RYR2: variants seen among roughly 807,000 people sequenced by gnomAD.
The protein encoded by RYR2 is cardiac muscle ryanodine receptor-calcium release channel.
A neutral mutation model predicts 601.1 loss-of-function variants in RYR2; 227 were observed. The observed-to-expected ratio is 0.38, with a 90% CI of 0.34 to 0.42. The LOEUF is 0.42. Ranked by LOEUF, RYR2 falls within the 10% of genes least tolerant of loss-of-function variation. RYR2 has a pLI of 1.00. For synonymous variants in RYR2, 2,223 were observed against 2,175.1 expected (o/e 1.02, Z -0.61); for missense variants, 4,646 against 6,156.5 (o/e 0.75, Z 8.21).
intron 12 of RYR2, 50 bp from the exon 13 acceptor site, chr1:237,441,269 C>T (rs145018196): frequency 6.3e-7 from 1 of 1,597,230 alleles, no homozygotes; most frequent in Admixed American, 1.7e-5. Flanking sequence ...TTGCCATACA[C>T]TAGTATTTTT....
rs1483111947 is a variant in RYR2, at chr1:237,500,732, G to A, written c.2225G>A (p.Ser742Asn). 5 of 1,610,406 alleles carry A rather than the reference G, an allele frequency of 3.1e-6. No homozygotes were observed. The highest frequency in any genetic ancestry group is 1.3e-5 in the African/African-American group (1 of 74,832). ...ATAGGTTGTATTGCTCGTACTGTAA[G>A]CTCACCAAACCAACATCTGTTAAGA... ...LWSGCIARTV[S>N]SPNQHLLRTD... The change falls in exon 21 of 105, where the codon AGC becomes AAC. Residue 742 changes from serine (S) to asparagine (N), a missense_variant. Physicochemically the swap from Ser to Asn is conservative, Grantham distance 46. Transcript: ENST00000366574.
At chr1:237,464,625 T>TC (rs1389465507) in intron 16 of RYR2, among the ~76,000 whole-genome samples, 2 of 151,984 alleles carry the variant, frequency 1.3e-5, no homozygotes, top group South Asian at 2.1e-4. Flanking sequence ...TCAAGATATT[T>TC]CCCCCCCAAA....
chr1:237,132,016 G>A (rs954000957), intron 1 of RYR2, among the ~76,000 whole-genome samples: 7 of 152,188 alleles, frequency 4.6e-5, no homozygotes, highest in African/African-American at 1.7e-4. Context: ...GAGCCACCGT[G>A]TCTGGCCCAA....
chr1:237,586,171 A>C (rs1303564332), intron 29 of RYR2, among the ~76,000 whole-genome samples: 1 of 152,218 alleles, frequency 6.6e-6, no homozygotes, highest in East Asian at 1.9e-4. Context: ...GTGCAAAAAA[A>C]TGCTTTGGTA....
intron 62 of RYR2, among the ~76,000 whole-genome samples, chr1:237,681,507 G>A (rs1015302264): frequency 1.3e-5 from 2 of 152,126 alleles, no homozygotes; most frequent in African/African-American, 4.8e-5. Flanking sequence ...TTACCAAGTA[G>A]CAAGTGGCCA....
At chr1:237,138,121 T>C (rs1275086048) in intron 1 of RYR2, among the ~76,000 whole-genome samples, 1 of 152,192 alleles carries the variant, frequency 6.6e-6, no homozygotes, top group African/African-American at 2.4e-5. Context: ...AGCTTCTGCC[T>C]CCTGGGTTCA....
intron 40 of RYR2, among the ~76,000 whole-genome samples, chr1:237,626,460 AC>A (rs1354106473): frequency 6.6e-6 from 1 of 151,914 alleles, no homozygotes; most frequent in African/African-American, 2.4e-5. Flanking sequence ...ACAACAGAAA[AC>A]CTTTATTCAT....
intron 27 of RYR2, among the ~76,000 whole-genome samples, chr1:237,566,287 T>C (rs940470047): frequency 1.3e-4 from 20 of 152,122 alleles, no homozygotes; most frequent in African/African-American, 4.3e-4. Context: ...AGAAAGGTCG[T>C]TCCCTCCTGA....
chr1:237,336,689 C>G (rs1374079288), intron 3 of RYR2, among the ~76,000 whole-genome samples: 1 of 151,294 alleles, frequency 6.6e-6, no homozygotes, highest in Non-Finnish European at 1.5e-5. Flanking sequence ...AACCCCGTCT[C>G]TTATGAAAAA....
At chr1:237,051,494 G>T (rs559463723) in intron 1 of RYR2, among the ~76,000 whole-genome samples, 79 of 151,878 alleles carry the variant, frequency 5.2e-4, no homozygotes, top group Middle Eastern at 3.4e-3. Flanking sequence ...GTTGTACAGG[G>T]CATTCTTAAG....
At chr1:237,501,034 T>C in intron 21 of RYR2, 131 bp downstream of exon 21, 1 of 862,104 alleles carries the variant, frequency 1.2e-6, no homozygotes, top group South Asian at 1.6e-5. Flanking sequence ...CTCTGCGCAT[T>C]TTGCCTGTGC....
chr1:237,324,336 G>T (rs1248166315), intron 2 of RYR2, among the ~76,000 whole-genome samples: 1 of 152,108 alleles, frequency 6.6e-6, no homozygotes, highest in Non-Finnish European at 1.5e-5. Context: ...TCTTTCGGAG[G>T]ACATAGAATT....
chr1:237,537,875 A>G (rs1341943972), intron 25 of RYR2, among the ~76,000 whole-genome samples: 1 of 152,206 alleles, frequency 6.6e-6, no homozygotes, highest in Non-Finnish European at 1.5e-5. Flanking sequence ...AGTCAACTTC[A>G]AATTCAGAGT....
rs1289076779 is a variant in RYR2 at position 237,819,361 on chromosome 1, G to C, written c.14590+169G>C. Among the ~76,000 whole-genome samples, 1 of 152,158 alleles carries C rather than the reference G, an allele frequency of 6.6e-6. No individual in the cohort carries two copies. Among genetic ancestry groups the C allele is most frequent in the East Asian group, 1.9e-4 (1 of 5,190 alleles). On this transcript the variant is annotated intron_variant, in intron 101 of 104. Coordinates refer to ENST00000366574, the MANE Select transcript of RYR2 (RefSeq NM_001035.3). This position sits in a 1 kb window ranked among gnomAD's most constrained non-coding sequence, Gnocchi z 4.0. Reference sequence around the variant, plus strand: ...TGCAATCTACCGGGGGAAATATAAAGCGGTATGGAACCCTGGTATGAAGGG... The same window carrying C: ...TGCAATCTACCGGGGGAAATATAAACCGGTATGGAACCCTGGTATGAAGGG...
chr1:237,563,249 A>G (rs929836557), intron 27 of RYR2, among the ~76,000 whole-genome samples: 1 of 152,216 alleles, frequency 6.6e-6, no homozygotes, highest in African/African-American at 2.4e-5. Flanking sequence ...TACTGAAAAT[A>G]CAAAAAAATT....
chr1:237,392,638 A>G (rs926804507), intron 10 of RYR2, among the ~76,000 whole-genome samples: 1 of 151,656 alleles, frequency 6.6e-6, no homozygotes, highest in Non-Finnish European at 1.5e-5. Flanking sequence ...ATAATAAAAT[A>G]TCAACAAAGG....
intron 74 of RYR2, among the ~76,000 whole-genome samples, chr1:237,723,563 C>G (rs1158682610): frequency 2.0e-5 from 3 of 152,054 alleles, no homozygotes; most frequent in Non-Finnish European, 4.4e-5. Flanking sequence ...CCAAAAAATT[C>G]AGGAGTTACA....
At chr1:237,653,627 G>C (rs149178863) in intron 51 of RYR2, among the ~76,000 whole-genome samples, 7 of 152,300 alleles carry the variant, frequency 4.6e-5, no homozygotes, top group African/African-American at 1.7e-4. Flanking sequence ...ATGAAGGGGA[G>C]TTTATTAAGG....
intron 101 of RYR2, among the ~76,000 whole-genome samples, chr1:237,820,919 G>A (rs1574086503): frequency 6.6e-6 from 1 of 152,226 alleles, no homozygotes; most frequent in Non-Finnish European, 1.5e-5. Context: ...AGTTCGAACT[G>A]GGTGGAGCCC....
Sources: gnomAD v4.1 joint callset for allele counts (sites outside exome capture counted in the v4.1 genomes callset) on GRCh38, gnomAD v4.1.1 for gene constraint, Gnocchi (gnomAD v3.1) non-coding constraint, MANE v1.5 for transcripts, NCBI Gene and HGNC (gene_info 2026-07-23, HGNC 2026-07-21) for gene names.